Variants in BABAM2 observed in about 807,000 individuals in gnomAD.
The protein encoded by BABAM2 is BRISC and BRCA1-A complex member 2.
In BABAM2, 31 loss-of-function variants were observed where a neutral mutation model predicts 54.7. The observed-to-expected ratio is 0.57, with a 90% CI of 0.43 to 0.77. The LOEUF (loss-of-function observed/expected upper bound fraction) is 0.77. Among genes scored for constraint, BABAM2 ranks in the 30% least tolerant of loss-of-function variants. The pLI, the probability that BABAM2 is intolerant of heterozygous loss-of-function variation, is 0.00. For synonymous variants in BABAM2, 167 were observed against 162.9 expected (o/e 1.03, Z -0.19); for missense variants, 364 against 455.8 (o/e 0.80, Z 1.83).
intron 10 of BABAM2, among the ~76,000 whole-genome samples, chr2:28,298,055 G>A (rs1397772986): frequency 6.6e-6 from 1 of 152,172 alleles, no homozygotes; most frequent in Non-Finnish European, 1.5e-5. Flanking sequence ...CTAAGCTTCT[G>A]TGACCATTTC....
intron 7 of BABAM2, among the ~76,000 whole-genome samples, chr2:28,142,656 A>T (rs1310382691): frequency 3.9e-5 from 6 of 152,110 alleles, no homozygotes; most frequent in Non-Finnish European, 7.4e-5. Flanking sequence ...TGAGAAAAGG[A>T]GTTTATGACC....
At chr2:28,157,235 G>A (rs1432376250) in intron 7 of BABAM2, among the ~76,000 whole-genome samples, 3 of 152,150 alleles carry the variant, frequency 2.0e-5, no homozygotes, top group South Asian at 4.1e-4. Flanking sequence ...CTATATGAAG[G>A]TCAGATTACC....
At chr2:28,254,728 A>ATTT (rs759661036) in intron 10 of BABAM2, among the ~76,000 whole-genome samples, 100 of 122,384 alleles carry the variant, frequency 8.2e-4, no homozygotes, top group Admixed American at 4.1e-3. Context: ...TTTTTTTTCA[A>ATTT]TTTTTTTTTT....
chr2:28,115,295 A>G (rs765229174), intron 6 of BABAM2, among the ~76,000 whole-genome samples: 6 of 152,056 alleles, frequency 3.9e-5, no homozygotes, highest in Non-Finnish European at 8.8e-5. Context: ...AGACCATTAC[A>G]TGAGCTGGTA....
chr2:28,268,213 A>G (rs895779714), intron 10 of BABAM2, among the ~76,000 whole-genome samples: 4 of 152,230 alleles, frequency 2.6e-5, no homozygotes, highest in Non-Finnish European at 5.9e-5. Flanking sequence ...GCACATGCCT[A>G]TAGTCCCAGC....
chr2:27,977,970 T>C (rs1157915931), intron 3 of BABAM2, among the ~76,000 whole-genome samples: 2 of 152,180 alleles, frequency 1.3e-5, no homozygotes, highest in African/African-American at 2.4e-5. Context: ...TAAATTTCAG[T>C]GTAAGGACAC....
intron 3 of BABAM2, among the ~76,000 whole-genome samples, chr2:27,946,812 C>T (rs532248329): frequency 6.6e-4 from 100 of 152,180 alleles, no homozygotes; most frequent in African/African-American, 2.3e-3. Flanking sequence ...TATTCTTAAG[C>T]GAGTTTTTAC....
chr2:28,272,571 A>G (rs1685507560), intron 10 of BABAM2, among the ~76,000 whole-genome samples: 1 of 152,194 alleles, frequency 6.6e-6, no homozygotes, highest in Admixed American at 6.5e-5. Flanking sequence ...TTTTGCTCCA[A>G]AGAGTGGTGG....
At chr2:28,121,981 G>A (rs373724778) in intron 6 of BABAM2, among the ~76,000 whole-genome samples, 12 of 152,106 alleles carry the variant, frequency 7.9e-5, no homozygotes, top group Non-Finnish European at 1.2e-4. Flanking sequence ...TTGGGAGGCC[G>A]AGGTGGGTGG....
chr2:28,206,703 C>T (rs144412628), intron 7 of BABAM2, among the ~76,000 whole-genome samples: 104 of 152,274 alleles, frequency 6.8e-4, no homozygotes, highest in African/African-American at 2.5e-3. Context: ...TTATAAATTG[C>T]ACAAAGATTC....
intron 11 of BABAM2, among the ~76,000 whole-genome samples, chr2:28,301,326 A>G (rs1688093435): frequency 6.6e-6 from 1 of 152,150 alleles, no homozygotes; most frequent in African/African-American, 2.4e-5. Context: ...TTCCTACCAC[A>G]TGTGCTTCTT....
At chr2:27,987,917 T>G in intron 3 of BABAM2, 76 bp from the exon 4 acceptor site, 2 of 1,292,376 alleles carry the variant, frequency 1.5e-6, no homozygotes, top group Non-Finnish European at 2.2e-6. Context: ...CTTTTAGAAG[T>G]TTTTCTGATA....
chr2:27,908,590 A>G (rs1277660250), intron 2 of BABAM2, among the ~76,000 whole-genome samples: 1 of 151,906 alleles, frequency 6.6e-6, no homozygotes, highest in African/African-American at 2.4e-5. Flanking sequence ...TAGTTTTTCA[A>G]CCCTTGGCTC....
intron 7 of BABAM2, among the ~76,000 whole-genome samples, chr2:28,176,437 G>C (rs1218222870): frequency 1.3e-4 from 19 of 151,188 alleles, no homozygotes; most frequent in Admixed American, 1.2e-3. Flanking sequence ...GAGCATGGTG[G>C]CGCACACCTG....
At chr2:28,309,953 T>C in intron 11 of BABAM2, 2 of 1,020,036 alleles carry the variant, frequency 2.0e-6, no homozygotes, top group South Asian at 1.5e-5. Flanking sequence ...CTCCTGGGCC[T>C]TTTCCTTATG....
chr2:28,034,727 G>T (rs941551297), intron 5 of BABAM2, among the ~76,000 whole-genome samples: 1 of 152,150 alleles, frequency 6.6e-6, no homozygotes, highest in African/African-American at 2.4e-5. Context: ...GGAAGGAAAG[G>T]CAATAGGTTT....
At chr2:28,110,669 G>A (rs1197048029) in intron 6 of BABAM2, among the ~76,000 whole-genome samples, 3 of 151,876 alleles carry the variant, frequency 2.0e-5, no homozygotes, top group Admixed American at 6.6e-5. Flanking sequence ...AAAAACACAG[G>A]TGTGCAGATA....
chr2:27,897,868 A>T (rs574221928), intron 2 of BABAM2, among the ~76,000 whole-genome samples: 6 of 152,332 alleles, frequency 3.9e-5, no homozygotes, highest in African/African-American at 1.4e-4. Context: ...GATGGACTCC[A>T]TCTGTAATTG....
chr2:28,298,251 G>A (rs1213078235), intron 10 of BABAM2, 87 bp from the exon 11 acceptor site: 74 of 1,398,608 alleles, frequency 5.3e-5, no homozygotes, highest in South Asian at 3.8e-4. Flanking sequence ...ATAGAGTTTC[G>A]TACCTAACAT....
Sources: gnomAD v4.1 joint callset for allele counts (sites outside exome capture counted in the v4.1 genomes callset) on GRCh38, gnomAD v4.1.1 for gene constraint, MANE v1.5 for transcripts, NCBI Gene and HGNC (gene_info 2026-07-23, HGNC 2026-07-21) for gene names.